The following FCHSD2 variants were observed in gnomAD, a reference collection of about 807,000 sequenced individuals.
FCHSD2 encodes the protein FCH and double SH3 domains 2, also known as F-BAR and double SH3 domains protein 2.
FCHSD2 carries 38 observed loss-of-function variants against 108.1 expected under a neutral mutation model. That is an observed-to-expected ratio of 0.35 (90% CI 0.27 to 0.46). FCHSD2 has a LOEUF of 0.46. Ranked by LOEUF, FCHSD2 falls within the 20% of genes least tolerant of loss-of-function variation. FCHSD2 has a pLI of 1.00. For missense variants in FCHSD2, 751 were observed against 897.8 expected (o/e 0.84, Z 2.09); for synonymous variants, 279 against 314.7 (o/e 0.89, Z 1.20).
intron 9 of FCHSD2, among the ~76,000 whole-genome samples, chr11:72,905,487 G>A (rs1220071246): frequency 2.0e-5 from 3 of 152,066 alleles, no homozygotes; most frequent in Middle Eastern, 3.4e-3. Context: ...TAGGCACAAC[G>A]TGCAGGTTTG....
At chr11:73,056,250 G>A (rs920746951) in intron 3 of FCHSD2, among the ~76,000 whole-genome samples, 2 of 152,124 alleles carry the variant, frequency 1.3e-5, no homozygotes, top group South Asian at 2.1e-4. Context: ...CTGGGCTTAC[G>A]AGCCAAGGTA....
chr11:73,020,851 G>T (rs553759669), intron 3 of FCHSD2, among the ~76,000 whole-genome samples: 2 of 151,610 alleles, frequency 1.3e-5, no homozygotes, highest in Non-Finnish European at 2.9e-5. Context: ...TTTAAATTAA[G>T]TATATATAAG....
chr11:72,893,592 G>A (rs915730313), intron 10 of FCHSD2, among the ~76,000 whole-genome samples: 1 of 152,110 alleles, frequency 6.6e-6, no homozygotes, highest in Non-Finnish European at 1.5e-5. Flanking sequence ...TGGGATTAGA[G>A]GCATGAGCCA....
At chr11:73,041,064 TC>T (rs1186405948) in intron 3 of FCHSD2, among the ~76,000 whole-genome samples, 11 of 152,224 alleles carry the variant, frequency 7.2e-5, no homozygotes, top group African/African-American at 2.7e-4. Context: ...AGAATTTCAT[TC>T]TTTTTTATGG....
intron 9 of FCHSD2, among the ~76,000 whole-genome samples, chr11:72,910,455 G>A (rs1855739837): frequency 6.6e-6 from 1 of 152,160 alleles, no homozygotes; most frequent in Non-Finnish European, 1.5e-5. Flanking sequence ...GTAGACATAG[G>A]AGACTCCATT....
chr11:72,967,832 C>T (rs1856939724), intron 8 of FCHSD2, among the ~76,000 whole-genome samples: 1 of 150,680 alleles, frequency 6.6e-6, no homozygotes, highest in Non-Finnish European at 1.5e-5. Context: ...TGGCTCATGC[C>T]TGTAATCTCA....
In FCHSD2 at chr11:72,921,956, A is replaced by AT; in HGVS notation, c.706-7dup. On this transcript the variant is annotated splice_region_variant and splice_polypyrimidine_tract_variant and intron_variant, in intron 8 of 19. Coordinates refer to ENST00000409418, the MANE Select transcript of FCHSD2 (RefSeq NM_014824.3). ...TACACATTTCCATCAAGAGCCTGTAATAGAGGAGTAAATAAAAGAAAAAAA... is the reference window on the plus strand; with the variant it reads ...TACACATTTCCATCAAGAGCCTGTAATTAGAGGAGTAAATAAAAGAAAAAAA... The AT allele has an allele frequency of 6.4e-7, 1 of 1,573,542 alleles. No individual in the cohort carries two copies. The highest frequency in any genetic ancestry group is 8.6e-7 in the Non-Finnish European group (1 of 1,157,770).
chr11:73,121,337 G>A (rs1358598306), intron 2 of FCHSD2, among the ~76,000 whole-genome samples: 1 of 152,008 alleles, frequency 6.6e-6, no homozygotes, highest in African/African-American at 2.4e-5. Context: ...TAGTAAACCA[G>A]ATAGTCCATT....
At position 72,940,596 on chromosome 11, in the gene FCHSD2, C is replaced by G. The variant is rs866398117; in HGVS notation, c.706-18646G>C. The G allele has an allele frequency of 2.9e-5, 42 of 1,433,826 alleles. 1 individual carries two copies. The highest frequency in any genetic ancestry group is 2.3e-4 in the South Asian group (20 of 87,414). 88.8% of individuals were successfully genotyped at this position (1,433,826 alleles called of 1,614,324 possible). A position where few individuals can be genotyped will look rare whatever the true frequency, so the allele number is the denominator to read the frequency against. On this transcript the variant is annotated intron_variant, in intron 8 of 19. Coordinates refer to ENST00000409418, the MANE Select transcript of FCHSD2 (RefSeq NM_014824.3). The stretch of plus-strand genomic sequence containing the variant: ...TCAGCTGCTGGCAGTACTGCCAGCT[C>G]TCTGCTCTCCACAGGGCTCCCCGCC...
rs545044023 is a variant in FCHSD2, at chr11:73,067,910, G to A, written c.165+15785C>T. 1.6e-4 allele frequency among the ~76,000 whole-genome samples: 24 copies of A among 152,242 alleles called. No homozygotes were observed. In the South Asian group the frequency reaches 4.6e-3, roughly 29 times the overall value. The stretch of plus-strand genomic sequence containing the variant: ...TTTATAAAGAAAAAGAGGATTAATG[G>A]ACTGATAGTTCCATGTGGCTTGGGA... On this transcript the variant is annotated intron_variant, in intron 3 of 19. Coordinates refer to ENST00000409418, the MANE Select transcript of FCHSD2 (RefSeq NM_014824.3).
chr11:72,893,163 T>C (rs1386612184), intron 10 of FCHSD2, among the ~76,000 whole-genome samples: 1 of 151,684 alleles, frequency 6.6e-6, no homozygotes, highest in African/African-American at 2.4e-5. Context: ...CCATGCCCAG[T>C]TAACTTTTTG....
intron 10 of FCHSD2, among the ~76,000 whole-genome samples, chr11:72,897,179 C>T (rs1855438992): frequency 6.6e-6 from 1 of 152,110 alleles, no homozygotes; most frequent in South Asian, 2.1e-4. Flanking sequence ...TATTCTGACT[C>T]AATGTGCCAG....
chr11:73,030,357 C>T (rs1858329947), intron 3 of FCHSD2, among the ~76,000 whole-genome samples: 1 of 151,732 alleles, frequency 6.6e-6, no homozygotes, highest in African/African-American at 2.4e-5. Context: ...AGAGATTATA[C>T]TAAATAAAAA....
At chr11:73,010,140 T>A (rs1175313920) in intron 4 of FCHSD2, among the ~76,000 whole-genome samples, 1 of 152,230 alleles carries the variant, frequency 6.6e-6, no homozygotes, top group Non-Finnish European at 1.5e-5. Context: ...ATAGGACCTG[T>A]CTTCAAGTTT....
intron 19 of FCHSD2, among the ~76,000 whole-genome samples, chr11:72,839,121 A>G (rs1860824895): frequency 2.0e-5 from 3 of 152,352 alleles, no homozygotes; most frequent in Non-Finnish European, 4.4e-5. Flanking sequence ...CACAAGTCCT[A>G]TGACTAAGAT....
At chr11:73,139,108 A>G (rs1021025217) in intron 2 of FCHSD2, among the ~76,000 whole-genome samples, 9 of 152,244 alleles carry the variant, frequency 5.9e-5, no homozygotes, top group African/African-American at 2.2e-4. Flanking sequence ...GCCTAAATAT[A>G]GGAGAGGAAA....
At chr11:73,104,901 G>GA (rs1417178155) in intron 2 of FCHSD2, among the ~76,000 whole-genome samples, 1 of 152,094 alleles carries the variant, frequency 6.6e-6, no homozygotes, top group Admixed American at 6.6e-5. Context: ...ACCAAATGGT[G>GA]AAAATCTATA....
At chr11:72,856,021 T>C (rs1231391549) in intron 13 of FCHSD2, among the ~76,000 whole-genome samples, 1 of 152,236 alleles carries the variant, frequency 6.6e-6, no homozygotes, top group Non-Finnish European at 1.5e-5. Context: ...CTTTTTCCCA[T>C]ATTCAAACAT....
intron 13 of FCHSD2, among the ~76,000 whole-genome samples, chr11:72,867,631 C>G (rs1183038357): frequency 6.6e-6 from 1 of 151,896 alleles, no homozygotes; most frequent in South Asian, 2.1e-4. Context: ...CATCGATAAC[C>G]CAAATAGTGA....
Sources: allele counts gnomAD v4.1 joint callset (sites outside exome capture counted in the v4.1 genomes callset), GRCh38; gene constraint gnomAD v4.1.1; transcripts MANE v1.5; gene names NCBI Gene and HGNC (gene_info 2026-07-23, HGNC 2026-07-21).